Variants in RXFP1 observed in about 807,000 individuals in gnomAD.
The protein encoded by RXFP1 is relaxin family peptide receptor 1.
Under a neutral mutation model 89.8 loss-of-function variants are expected in RXFP1, and 73 were observed. The observed-to-expected ratio is 0.81, with a 90% confidence interval of 0.67 to 0.99. The LOEUF is 0.99. Among genes scored for constraint, RXFP1 ranks in the 50% least tolerant of loss-of-function variants. The probability of loss-of-function intolerance (pLI) is 0.00; values close to 1 mark genes in which losing one functional copy is unlikely to be tolerated. For synonymous variants in RXFP1, 277 were observed against 305.5 expected, an observed-to-expected ratio of 0.91 and a Z score of 0.97; for missense variants, 793 against 895.5, an observed-to-expected ratio of 0.89 and a Z score of 1.46.
At chr4:158,645,462 C>T (rs1386176394) in intron 15 of RXFP1, among the ~76,000 whole-genome samples, 3 of 152,106 alleles carry the variant, frequency 2.0e-5, no homozygotes, top group East Asian at 1.9e-4. Flanking sequence ...TTGCAACCTC[C>T]TATGGTCACA....
chr4:158,543,679 T>C, intron 1 of RXFP1: 1 of 769,634 alleles, frequency 1.3e-6, no homozygotes. Flanking sequence ...CCATTTCATA[T>C]TTCTTCTCAG....
At chr4:158,544,933 C>T (rs1327331480) in intron 1 of RXFP1, among the ~76,000 whole-genome samples, 1 of 152,080 alleles carries the variant, frequency 6.6e-6, no homozygotes, top group Non-Finnish European at 1.5e-5. Context: ...TTCATAGCAG[C>T]ATGATTTATA....
Position 158,649,778 on chromosome 4 carries a change from T to C in RXFP1, c.1975+1061T>C, listed in dbSNP as rs1283717487. Among the ~76,000 whole-genome samples, 3 of 152,236 alleles carry C rather than the reference T, an allele frequency of 2.0e-5. No homozygotes were observed. In the East Asian group the frequency reaches 5.8e-4, roughly 29 times the overall value. On this transcript the variant is annotated intron_variant, in intron 17 of 17. Transcript: ENST00000307765. ...GAAAAATAAAATGGTACAGCTGCTA[T>C]GGAAGACAATATGGCAGTCCCTCAA...
At chr4:158,633,658 G>C (rs764105822) in intron 12 of RXFP1, among the ~76,000 whole-genome samples, 182 bp downstream of exon 12, 2 of 152,138 alleles carry the variant, frequency 1.3e-5, no homozygotes, top group Non-Finnish European at 2.9e-5. Context: ...TTGCAAAACT[G>C]AAACTCTAGC....
intron 14 of RXFP1, among the ~76,000 whole-genome samples, chr4:158,643,960 T>C (rs192852506): frequency 2.6e-5 from 4 of 152,130 alleles, no homozygotes; most frequent in South Asian, 2.1e-4. Context: ...TGATACCTCA[T>C]TGTGGTTTTA....
intron 10 of RXFP1, 146 bp downstream of exon 10, chr4:158,627,037 T>C (rs866269880): frequency 6.6e-6 from 3 of 452,116 alleles, no homozygotes; most frequent in Non-Finnish European, 7.7e-6. Flanking sequence ...ATTGAAGTCT[T>C]AGCCTATAAG....
At chr4:158,522,051 G>A (rs1741299270) in intron 1 of RXFP1, 26 bp downstream of exon 1, 2 of 1,341,858 alleles carry the variant, frequency 1.5e-6, no homozygotes, top group Non-Finnish European at 2.1e-6. Context: ...ATCTAATTTT[G>A]TATACCTTAG....
intron 14 of RXFP1, among the ~76,000 whole-genome samples, chr4:158,644,166 C>G (rs1213043118): frequency 1.3e-5 from 2 of 151,294 alleles, no homozygotes; most frequent in Non-Finnish European, 2.9e-5. Flanking sequence ...CCTGCCTCAG[C>G]CTCCCGAGTA....
intron 1 of RXFP1, among the ~76,000 whole-genome samples, chr4:158,523,626 C>T (rs1741723268): frequency 6.6e-6 from 1 of 152,134 alleles, no homozygotes; most frequent in Non-Finnish European, 1.5e-5. Context: ...CACGCCTTCC[C>T]CAGGAAATGA....
chr4:158,562,054 C>G (rs78905550), intron 1 of RXFP1, among the ~76,000 whole-genome samples: 4 of 152,068 alleles, frequency 2.6e-5, no homozygotes, highest in African/African-American at 4.8e-5. Context: ...TCTCTTACAA[C>G]GTAAAATCAC....
intron 9 of RXFP1, among the ~76,000 whole-genome samples, chr4:158,626,140 A>ATAGATAGATAGT (rs1311218124): frequency 2.6e-4 from 39 of 147,342 alleles, no homozygotes; most frequent in Non-Finnish European, 3.9e-4. Flanking sequence ...AGATAGATAG[A>ATAGATAGATAGT]TAGATAGATA....
At chr4:158,589,774 G>A (rs1449489178) in intron 2 of RXFP1, among the ~76,000 whole-genome samples, 1 of 152,074 alleles carries the variant, frequency 6.6e-6, no homozygotes. Flanking sequence ...TATGACAGAC[G>A]GAGCACAGTG....
In RXFP1 at chr4:158,528,738, A is replaced by G. The variant is rs1202399570; in HGVS notation, c.49+6713A>G. On this transcript the variant is annotated intron_variant, in intron 1 of 17. Transcript: ENST00000307765. ...GGTTGAAAAATGAGACAGCATTGCT[A>G]CAGCAGAAGAAACTTTGCCAACTTC... Among the ~76,000 whole-genome samples, 3 of 152,232 alleles carry G rather than the reference A, an allele frequency of 2.0e-5. No homozygotes were observed. In the East Asian group the frequency reaches 5.8e-4, roughly 29 times the overall value.
intron 9 of RXFP1, among the ~76,000 whole-genome samples, chr4:158,624,598 A>G (rs992053479): frequency 6.6e-6 from 1 of 152,154 alleles, no homozygotes; most frequent in Non-Finnish European, 1.5e-5. Flanking sequence ...TAAAAATAAA[A>G]AAACCTTCGT....
At chr4:158,528,231 G>A (rs957021743) in intron 1 of RXFP1, among the ~76,000 whole-genome samples, 1 of 152,182 alleles carries the variant, frequency 6.6e-6, no homozygotes, top group Non-Finnish European at 1.5e-5. Flanking sequence ...GGGGGGCAGT[G>A]TCTCATGCCT....
intron 1 of RXFP1, among the ~76,000 whole-genome samples, chr4:158,557,600 A>AAGG (rs1751579371): frequency 6.6e-6 from 1 of 152,222 alleles, no homozygotes; most frequent in Non-Finnish European, 1.5e-5. Flanking sequence ...CCTGGGCTCC[A>AAGG]AGGAATCCTC....
intron 1 of RXFP1, among the ~76,000 whole-genome samples, chr4:158,560,503 C>A (rs192308633): frequency 6.6e-6 from 1 of 152,176 alleles, no homozygotes; most frequent in African/African-American, 2.4e-5. Context: ...AAGGACACTT[C>A]GGAGTTTCTC....
chr4:158,568,695 A>G (rs968002112), intron 1 of RXFP1, among the ~76,000 whole-genome samples: 6 of 152,174 alleles, frequency 3.9e-5, no homozygotes, highest in African/African-American at 1.4e-4. Flanking sequence ...AGCACAGCTC[A>G]TTATTATATA....
chr4:158,607,250 A>G (rs1272964097), intron 5 of RXFP1: 2 of 714,408 alleles, frequency 2.8e-6, no homozygotes, highest in East Asian at 5.4e-5. Flanking sequence ...GTATTACTTT[A>G]GTTAACTATG....
Sources: gnomAD v4.1 joint callset for allele counts (sites outside exome capture counted in the v4.1 genomes callset) on GRCh38, gnomAD v4.1.1 for gene constraint, MANE v1.5 for transcripts, NCBI Gene and HGNC (gene_info 2026-07-23, HGNC 2026-07-21) for gene names.